FOXK1: variants seen among roughly 807,000 people sequenced by gnomAD.
FOXK1 encodes forkhead box protein K1.
A neutral mutation model predicts 51.9 loss-of-function variants in FOXK1; 19 were observed. The ratio of observed to expected loss-of-function variants is 0.37; its 90% CI spans 0.26 to 0.54. The LOEUF (loss-of-function observed/expected upper bound fraction) is 0.54. FOXK1 is among the 20% of genes least tolerant of loss of function. The pLI is 0.87. For missense variants in FOXK1, 870 were observed against 1,032.7 expected (o/e 0.84, Z 2.16); for synonymous variants, 537 against 482.6 (o/e 1.11, Z -1.48).
chr7:4,713,686 T>G (rs182013520), intron 1 of FOXK1, among the ~76,000 whole-genome samples: 5 of 151,990 alleles, frequency 3.3e-5, no homozygotes, highest in Middle Eastern at 3.4e-3. Context: ...GAGACAGGGT[T>G]TCACTGTGTT....
At chr7:4,697,556 C>T (rs1308630008) in intron 1 of FOXK1, among the ~76,000 whole-genome samples, 1 of 152,226 alleles carries the variant, frequency 6.6e-6, no homozygotes, top group Admixed American at 6.5e-5. Context: ...CTGCACACCC[C>T]TGCCTTAGGC....
intron 3 of FOXK1, 169 bp downstream of exon 3, chr7:4,754,784 T>C: frequency 1.2e-6 from 1 of 845,584 alleles, no homozygotes; most frequent in Non-Finnish European, 1.8e-6. Flanking sequence ...CCCTTTCTCG[T>C]TTTCGTGCCC....
At chr7:4,712,374 A>G (rs767428981) in intron 1 of FOXK1, among the ~76,000 whole-genome samples, 2 of 152,092 alleles carry the variant, frequency 1.3e-5, no homozygotes, top group Non-Finnish European at 2.9e-5. Context: ...AAGAACCCCA[A>G]CTGAGGATTG....
intron 1 of FOXK1, among the ~76,000 whole-genome samples, chr7:4,724,407 G>T (rs559623247): frequency 6.6e-6 from 1 of 152,226 alleles, no homozygotes; most frequent in South Asian, 2.1e-4. Context: ...TGTTGGCCAG[G>T]GTGGTCTCGA....
Position 4,749,556 on chromosome 7 carries a change from G to A in FOXK1, c.747-4903G>A, listed in dbSNP as rs1263676781. On this transcript the variant is annotated intron_variant, in intron 2 of 8. Transcript: ENST00000328914. This position sits in a 1 kb window ranked among gnomAD's most constrained non-coding sequence, Gnocchi z 6.0. ...GCCCCTCCACTGCCCACAAGGCTCC[G>A]TCGCAGCTCCTTCCTCCAGCCCCTC... is the stretch of plus-strand genomic sequence containing the variant. Among the ~76,000 whole-genome samples the A allele has an allele frequency of 2.0e-5, 3 of 152,164 alleles. No individual in the cohort carries two copies. Among genetic ancestry groups the A allele is most frequent in the Admixed American group, 6.5e-5 (1 of 15,274 alleles).
chr7:4,751,815 T>G (rs900649046), intron 2 of FOXK1, among the ~76,000 whole-genome samples: 2 of 152,204 alleles, frequency 1.3e-5, no homozygotes, highest in African/African-American at 4.8e-5. Context: ...CCAGGCCAGG[T>G]CCAGTGCTGG....
Position 4,709,933 on chromosome 7 carries a change from T to G in FOXK1, c.560+27065T>G, listed in dbSNP as rs1324945362. On this transcript the variant is annotated intron_variant, in intron 1 of 8. Transcript: ENST00000328914. This position sits in a 1 kb window ranked among gnomAD's most constrained non-coding sequence, Gnocchi z 5.6. Reference sequence around the variant, plus strand: ...GAACACGGAAGAACACGGAAGCCTGTGTGTTAGGCGTTAACATTGTTCCCG... The same window carrying G: ...GAACACGGAAGAACACGGAAGCCTGGGTGTTAGGCGTTAACATTGTTCCCG... Among the ~76,000 whole-genome samples the G allele has an allele frequency of 6.6e-6, 1 of 152,186 alleles. No individual in the cohort carries two copies. The highest frequency in any genetic ancestry group is 1.5e-5 in the Non-Finnish European group (1 of 68,022).
chr7:4,758,975 A>G lies in FOXK1; in HGVS notation c.1245-76A>G. Reference sequence around the variant, plus strand: ...AGCGTGGGCGGGTGACGGCGCTGAGATGCGTGATGTCTCGGAAACGTCCTC... The same window carrying G: ...AGCGTGGGCGGGTGACGGCGCTGAGGTGCGTGATGTCTCGGAAACGTCCTC... On this transcript the variant is annotated intron_variant, in intron 5 of 8. Coordinates refer to ENST00000328914, the MANE Select transcript of FOXK1 (RefSeq NM_001037165.2). The surrounding 1 kb of genome is among the most constrained non-coding windows in gnomAD (Gnocchi z 4.4). 1 of 1,466,496 alleles carries G rather than the reference A, an allele frequency of 6.8e-7. No homozygotes were observed. Among genetic ancestry groups the G allele is most frequent in the South Asian group, 1.3e-5 (1 of 75,514 alleles). The allele number at this position is 1,466,496 out of a possible 1,614,324, so 90.8% of individuals were successfully genotyped here.
chr7:4,746,309 C>G (rs955993880), intron 2 of FOXK1, among the ~76,000 whole-genome samples: 2 of 152,142 alleles, frequency 1.3e-5, no homozygotes, highest in East Asian at 3.9e-4. Context: ...AGTTAGAGGT[C>G]TTTTGAGTTT....
chr7:4,736,633 C>G (rs920112607), intron 1 of FOXK1, among the ~76,000 whole-genome samples: 2 of 151,970 alleles, frequency 1.3e-5, no homozygotes, highest in Non-Finnish European at 2.9e-5. Context: ...AGGCTGGTCT[C>G]GAACTCCTGA....
chr7:4,688,124 T>C (rs1779843590), intron 1 of FOXK1, among the ~76,000 whole-genome samples: 2 of 152,194 alleles, frequency 1.3e-5, no homozygotes, highest in African/African-American at 4.8e-5. Flanking sequence ...CTTCAGCAGC[T>C]ATCATCTTGT....
At chr7:4,702,164 A>G (rs1474974653) in intron 1 of FOXK1, among the ~76,000 whole-genome samples, 1 of 152,178 alleles carries the variant, frequency 6.6e-6, no homozygotes, top group East Asian at 1.9e-4. Flanking sequence ...CATGTTTTTA[A>G]GCCCTTTTTA....
chr7:4,712,708 C>T (rs867923221), intron 1 of FOXK1, among the ~76,000 whole-genome samples: 1 of 152,168 alleles, frequency 6.6e-6, no homozygotes, highest in Non-Finnish European at 1.5e-5. Context: ...CCTCTTACCT[C>T]GCTCATCTGT....
rs1014855450 is a variant in FOXK1, at chr7:4,733,980, G to A, written c.561-6858G>A. Among the ~76,000 whole-genome samples the A allele has an allele frequency of 6.6e-6, 1 of 152,196 alleles. No homozygotes were observed. The highest frequency in any genetic ancestry group is 1.5e-5 in the Non-Finnish European group (1 of 68,026). ...CATCTGGGTGGCAGGTGCTGGCCAC[G>A]TGGAGTCTGCCCTCCACGTGCCGTG... On this transcript the variant is annotated intron_variant, in intron 1 of 8. Transcript: ENST00000328914. This position sits in a 1 kb window ranked among gnomAD's most constrained non-coding sequence, Gnocchi z 5.0.
At chr7:4,741,490 G>C (rs1780633437) in intron 2 of FOXK1, among the ~76,000 whole-genome samples, 1 of 152,034 alleles carries the variant, frequency 6.6e-6, no homozygotes, top group Admixed American at 6.6e-5. Flanking sequence ...TACCACGCCT[G>C]GCTAAATTTT....
intron 1 of FOXK1, among the ~76,000 whole-genome samples, chr7:4,727,640 G>C (rs767724340): frequency 7.9e-5 from 12 of 152,208 alleles, no homozygotes; most frequent in Non-Finnish European, 1.5e-4. Context: ...TCTAAAGTGC[G>C]GTGTTTCTCC....
intron 1 of FOXK1, among the ~76,000 whole-genome samples, chr7:4,720,885 A>G (rs1180678246): frequency 6.7e-6 from 1 of 150,364 alleles, no homozygotes; most frequent in Admixed American, 6.6e-5. Flanking sequence ...CGCCCACTTA[A>G]TTTTTGTATT....
At position 4,702,983 on chromosome 7, in the gene FOXK1, C is replaced by T. The variant is rs114683907; in HGVS notation, c.560+20115C>T. On this transcript the variant is annotated intron_variant, in intron 1 of 8. Coordinates refer to ENST00000328914, the MANE Select transcript of FOXK1 (RefSeq NM_001037165.2). ...CCCAGGGCTGCGTGTCCTGCTCGTC[C>T]TCCTGAGCTCCTGGCCTGTGTCTCC... is the stretch of plus-strand genomic sequence containing the variant. 8.5e-3 allele frequency among the ~76,000 whole-genome samples: 1,297 copies of T among 152,272 alleles called. 32 individuals are homozygous for T. Among genetic ancestry groups the T allele is most frequent in the African/African-American group, 0.029 (1,221 of 41,556 alleles).
At chr7:4,696,434 C>T (rs568968441) in intron 1 of FOXK1, among the ~76,000 whole-genome samples, 2 of 152,244 alleles carry the variant, frequency 1.3e-5, no homozygotes, top group East Asian at 1.9e-4. Context: ...GGTGTGTGCG[C>T]GTGACATGTC....
Sources: gnomAD v4.1 joint callset for allele counts (sites outside exome capture counted in the v4.1 genomes callset) on GRCh38, gnomAD v4.1.1 for gene constraint, Gnocchi (gnomAD v3.1) non-coding constraint, MANE v1.5 for transcripts, NCBI Gene and HGNC (gene_info 2026-07-23, HGNC 2026-07-21) for gene names.